CEP85L: variants seen among roughly 807,000 people sequenced by gnomAD.
CEP85L encodes the protein centrosomal protein of 85 kDa-like.
In CEP85L, 60 loss-of-function variants were observed where a neutral mutation model predicts 100.3. The ratio of observed to expected loss-of-function variants is 0.60; its 90% CI spans 0.49 to 0.74. The LOEUF (loss-of-function observed/expected upper bound fraction) is 0.74, where lower values mean the gene tolerates loss of function less well. Ranked by LOEUF, CEP85L falls within the 30% of genes least tolerant of loss-of-function variation. The probability of loss-of-function intolerance (pLI) is 0.00; values close to 1 mark genes in which losing one functional copy is unlikely to be tolerated. For missense variants in CEP85L, 973 were observed against 936.2 expected, an observed-to-expected ratio of 1.04 and a Z score of -0.51; for synonymous variants, 319 against 322.7, an observed-to-expected ratio of 0.99 and a Z score of 0.12.
At chr6:118,656,972 C>G (rs564488554), upstream of CEP85L, 6 of 152,344 alleles carry the variant, frequency 3.9e-5, no homozygotes, top group African/African-American at 9.6e-5. Flanking sequence ...TGACTGGGAA[C>G]TTGTCAGATG....
At chr6:118,479,794 A>C (rs1317888144) in intron 10 of CEP85L, 77 bp downstream of exon 10, 1 of 702,848 alleles carries the variant, frequency 1.4e-6, no homozygotes, top group Non-Finnish European at 2.3e-6. Context: ...TGCATGCTTT[A>C]ATATTTTCAG....
At chr6:118,523,680 T>G (rs1223712255) in intron 4 of CEP85L, 122 bp downstream of exon 4, 4 of 490,806 alleles carry the variant, frequency 8.1e-6, no homozygotes, top group Admixed American at 3.6e-5. Flanking sequence ...GGCAGAGATG[T>G]GACATCAATG....
chr6:118,633,257 T>C (rs537025937), intron 1 of CEP85L, among the ~76,000 whole-genome samples: 55 of 150,520 alleles, frequency 3.7e-4, no homozygotes, highest in Middle Eastern at 6.9e-3. Flanking sequence ...CTGGGTGGAG[T>C]GCAGTGGCGC....
At chr6:118,474,497 C>A (rs1376675607) in intron 10 of CEP85L, among the ~76,000 whole-genome samples, 1 of 152,176 alleles carries the variant, frequency 6.6e-6, no homozygotes, top group African/African-American at 2.4e-5. Context: ...CTACCTCAAT[C>A]CCCTTATGGG....
chr6:118,496,354 A>AC (rs1774918051), intron 5 of CEP85L, among the ~76,000 whole-genome samples: 1 of 61,156 alleles, frequency 1.6e-5, no homozygotes, highest in Non-Finnish European at 4.2e-5. Context: ...TTTATTTTAT[A>AC]TTTTTTATTT....
intron 1 of CEP85L, among the ~76,000 whole-genome samples, chr6:118,689,401 G>A (rs1458824031): frequency 1.3e-5 from 2 of 152,076 alleles, no homozygotes; most frequent in Admixed American, 1.3e-4. Context: ...AACCTTTCAG[G>A]TGTTCATAGG....
At chr6:118,616,876 C>G (rs556750241) in intron 2 of CEP85L, among the ~76,000 whole-genome samples, 1 of 150,708 alleles carries the variant, frequency 6.6e-6, no homozygotes, top group African/African-American at 2.4e-5. Flanking sequence ...ACCCGGGAGG[C>G]GGAGCTTGCA....
intron 5 of CEP85L, among the ~76,000 whole-genome samples, chr6:118,510,820 G>A (rs1487900179): frequency 1.3e-5 from 2 of 152,228 alleles, no homozygotes; most frequent in South Asian, 2.1e-4. Context: ...AAATTTTGAT[G>A]AGTAGGGGGC....
At chr6:118,700,173 C>A (rs1040173936) in intron 1 of CEP85L, among the ~76,000 whole-genome samples, 1 of 152,206 alleles carries the variant, frequency 6.6e-6, no homozygotes, top group Non-Finnish European at 1.5e-5. Flanking sequence ...CTATGCAATT[C>A]TTGAGCCCCT....
At chr6:118,593,645 T>C (rs1781310689) in intron 2 of CEP85L, among the ~76,000 whole-genome samples, 1 of 150,954 alleles carries the variant, frequency 6.6e-6, no homozygotes, top group Admixed American at 6.6e-5. Context: ...GACATGAGAT[T>C]GGTGGGGGGA....
rs66483063 is a variant in CEP85L at position 118,670,957 on chromosome 6, T to TAAA, written c.-27-18152_-27-18150dup. On this transcript the variant is annotated intron_variant, in intron 1 of 13. Transcript: ENST00000368488. ...AATTAGTGTACTGAACTTTTTTATG[T>TAAA]AAAAAAAAAAAAACACTGTGTTTTT... Among the ~76,000 whole-genome samples, 704 of 144,894 alleles carry TAAA rather than the reference T, an allele frequency of 4.9e-3. 3 individuals are homozygous for TAAA. Among genetic ancestry groups the TAAA allele is most frequent in the Non-Finnish European group, 6.5e-3 (426 of 65,736 alleles).
intron 1 of CEP85L, among the ~76,000 whole-genome samples, chr6:118,670,487 T>G (rs937767218): frequency 6.6e-6 from 1 of 152,116 alleles, no homozygotes; most frequent in Non-Finnish European, 1.5e-5. Flanking sequence ...TACTCCATGT[T>G]TAGCTCCCAC....
At chr6:118,478,097 AC>A (rs1246543319) in intron 10 of CEP85L, among the ~76,000 whole-genome samples, 2 of 152,108 alleles carry the variant, frequency 1.3e-5, no homozygotes, top group Non-Finnish European at 2.9e-5. Flanking sequence ...TTGATAATAC[AC>A]CCATTAATTA....
chr6:118,484,312 T>C (rs1206650833), intron 6 of CEP85L, among the ~76,000 whole-genome samples: 1 of 152,214 alleles, frequency 6.6e-6, no homozygotes, highest in Non-Finnish European at 1.5e-5. Flanking sequence ...CGAGACTTTG[T>C]CTCAATTTAA....
chr6:118,626,787 A>G (rs944413126), intron 2 of CEP85L, among the ~76,000 whole-genome samples: 1 of 152,238 alleles, frequency 6.6e-6, no homozygotes, highest in East Asian at 1.9e-4. Context: ...CTAGGCACAG[A>G]ACCTTGGGTG....
intron 6 of CEP85L, among the ~76,000 whole-genome samples, chr6:118,486,979 A>G (rs562257848): frequency 2.3e-4 from 35 of 152,312 alleles, no homozygotes; most frequent in African/African-American, 8.2e-4. Flanking sequence ...ACAGAGACAC[A>G]TTCAAATACA....
chr6:118,589,619 C>G (rs12191529), intron 2 of CEP85L: 6,591 of 278,268 alleles, frequency 0.024, 126 homozygotes, highest in African/African-American at 0.056. Context: ...ATCAGAAACC[C>G]TGAGGAAGAT....
In CEP85L at chr6:118,566,225, G is replaced by T. The variant is rs749272513; in HGVS notation, c.324C>A (p.Ser108Arg). The T allele has an allele frequency of 3.7e-6, 6 of 1,613,996 alleles. No individual in the cohort carries two copies. The highest frequency in any genetic ancestry group is 5.1e-6 in the Non-Finnish European group (6 of 1,179,902). The change falls in exon 3 of 13, where the codon AGC becomes AGA. Residue 108 changes from serine to arginine, a missense_variant. Physicochemically the swap from Ser to Arg is moderately radical, Grantham distance 110. Transcript: ENST00000368491. ...PTAHVMPSNS[S>R]ASISKLRESL... ...ATTCCCTAAGTTTGGAAATTGAAGC[G>T]CTGGAATTAGACGGCATCACATGGG...
intron 2 of CEP85L, among the ~76,000 whole-genome samples, chr6:118,586,531 C>A (rs576414741): frequency 5.3e-5 from 8 of 152,154 alleles, no homozygotes; most frequent in African/African-American, 1.7e-4. Context: ...TTCCAACTCC[C>A]CCAACAATAA....
Sources: allele counts gnomAD v4.1 joint callset (sites outside exome capture counted in the v4.1 genomes callset), GRCh38; gene constraint gnomAD v4.1.1; transcripts MANE v1.5; gene names NCBI Gene and HGNC (gene_info 2026-07-23, HGNC 2026-07-21).